The following MROH7 variants were observed in gnomAD, a reference collection of about 807,000 sequenced individuals.
MROH7 encodes the protein maestro heat-like repeat-containing protein family member 7.
MROH7 carries 113 observed loss-of-function variants against 129.2 expected under a neutral mutation model. The observed-to-expected ratio is 0.87, with a 90% CI of 0.75 to 1.02. The LOEUF is 1.02. Among genes scored for constraint, MROH7 ranks in the 50% least tolerant of loss-of-function variants. The pLI, the probability that MROH7 is intolerant of heterozygous loss-of-function variation, is 0.00. For synonymous variants in MROH7, 655 were observed against 667.9 expected (o/e 0.98, Z 0.30); for missense variants, 1,601 against 1,671.3 (o/e 0.96, Z 0.73).
intron 15 of MROH7, among the ~76,000 whole-genome samples, chr1:54,690,980 T>C (rs1249950145): frequency 6.6e-6 from 1 of 152,168 alleles, no homozygotes; most frequent in Non-Finnish European, 1.5e-5. Context: ...TGCAGGAGGC[T>C]CATTCTGTCT....
chr1:54,664,456 A>G (rs1644781034), intron 3 of MROH7, among the ~76,000 whole-genome samples: 1 of 152,198 alleles, frequency 6.6e-6, no homozygotes. Context: ...GCAAGGAGGT[A>G]TGGCGAGCAG....
chr1:54,686,348 A>G lies in MROH7; in HGVS notation c.2611A>G (p.Ile871Val), dbSNP rs1569949987. 1 of 1,614,094 alleles carries G rather than the reference A, an allele frequency of 6.2e-7. No homozygotes were observed. Among genetic ancestry groups the G allele is most frequent in the Non-Finnish European group, 8.5e-7 (1 of 1,179,992 alleles). Residue 871 changes from isoleucine to valine, a missense_variant, in exon 15 of 24, where the codon ATT (isoleucine) becomes GTT (valine). Physicochemically the swap from Ile to Val is conservative, Grantham distance 29. Coordinates refer to ENST00000421030, the MANE Select transcript of MROH7 (RefSeq NM_001039464.4). ...IYPQLLLALL[I>V]QVHYHIGLNL... ...CCCTCAGCTGCTCCTGGCCCTGCTC[A>G]TTCAGGTCCATTACCACATCGGCCT...
chr1:54,659,185 C>T (rs1328241090), intron 3 of MROH7: 10 of 368,820 alleles, frequency 2.7e-5, no homozygotes, highest in Non-Finnish European at 4.2e-5. Context: ...ACCTCTGCCT[C>T]CCAGGTTCAA....
At position 54,703,516 on chromosome 1, in the gene MROH7, G is replaced by T. The variant is rs137890218; in HGVS notation, c.3564+771G>T. Among the ~76,000 whole-genome samples the T allele has an allele frequency of 2.0e-5, 3 of 152,150 alleles. No homozygotes were observed. The highest frequency in any genetic ancestry group is 7.2e-5 in the African/African-American group (3 of 41,524). On this transcript the variant is annotated intron_variant, in intron 21 of 23. Coordinates refer to ENST00000421030, the MANE Select transcript of MROH7 (RefSeq NM_001039464.4). This position sits in a 1 kb window ranked among gnomAD's most constrained non-coding sequence, Gnocchi z 4.4. ...TACTAAAGGCTCTGAGATGTTTTGT[G>T]CTGAGGAAATGTGTTCATGGTTCTT...
chr1:54,679,330 A>G lies in MROH7; in HGVS notation c.2117A>G (p.Lys706Arg), dbSNP rs1167101290. The stretch of plus-strand genomic sequence containing the variant: ...CTGCTGGCCGCCCTGGAAGGGCTGA[A>G]AGGCAGCTCAGAGGCTCCAGGGAAG... ...DLLLAALEGL[K>R]GSSEAPGKDS... The change falls in exon 12 of 24, where the codon AAA becomes AGA. Residue 706 changes from lysine to arginine, a missense_variant. Physicochemically the swap from Lys to Arg is conservative, Grantham distance 26. Transcript: ENST00000421030. 6.2e-7 allele frequency: 1 copy of G among 1,614,044 alleles called. No homozygotes were observed. The highest frequency in any genetic ancestry group is 2.2e-5 in the East Asian group (1 of 44,890).
At chr1:54,678,982 C>A in intron 11 of MROH7, 128 bp downstream of exon 11, 1 of 763,736 alleles carries the variant, frequency 1.3e-6, no homozygotes, top group South Asian at 1.6e-5. Flanking sequence ...CCACCCACGC[C>A]TGTCCTGAGT....
intron 12 of MROH7, 50 bp downstream of exon 12, chr1:54,679,489 T>A (rs1645034857): frequency 6.4e-7 from 1 of 1,566,340 alleles, no homozygotes; most frequent in Non-Finnish European, 8.7e-7. Flanking sequence ...GCTCGGGAGC[T>A]CCCCCCATGG....
chr1:54,682,636 C>A lies in MROH7; in HGVS notation c.2382-20C>A. ...CACTGCCTTGGCCACCACTAATTGC[C>A]CACATCCCTGACCTCTCAGCAATGG... On this transcript the variant is annotated intron_variant, in intron 13 of 23. Transcript: ENST00000421030. 2 of 1,605,410 alleles carry A rather than the reference C, an allele frequency of 1.2e-6. No homozygotes were observed. Among genetic ancestry groups the A allele is most frequent in the Non-Finnish European group, 1.7e-6 (2 of 1,175,140 alleles).
At chr1:54,684,426 C>T (rs778745338) in intron 14 of MROH7, among the ~76,000 whole-genome samples, 4 of 152,236 alleles carry the variant, frequency 2.6e-5, no homozygotes, top group Admixed American at 6.5e-5. Flanking sequence ...CCTTCCCTTG[C>T]AATTTGGGCA....
chr1:54,694,847 G>A (rs1052563019), intron 16 of MROH7, among the ~76,000 whole-genome samples: 3 of 152,186 alleles, frequency 2.0e-5, no homozygotes, highest in African/African-American at 7.2e-5. Flanking sequence ...CACTGGCTTA[G>A]TAGAATGAAC....
Position 54,701,339 on chromosome 1 carries a change from G to A in MROH7, c.3285+17G>A. The A allele has an allele frequency of 6.4e-7, 1 of 1,570,628 alleles. No homozygotes were observed. Among genetic ancestry groups the A allele is most frequent in the South Asian group, 1.2e-5 (1 of 83,796 alleles). ...TTCAGCGACGTGAGGACCTCACAGA[G>A]CGAAGGAGCAGGAGGGATCGAGAAG... On this transcript the variant is annotated intron_variant, in intron 19 of 23. Coordinates refer to ENST00000421030, the MANE Select transcript of MROH7 (RefSeq NM_001039464.4).
At chr1:54,655,015 ATTTT>A (rs71045202) in intron 3 of MROH7, among the ~76,000 whole-genome samples, 1 of 136,418 alleles carries the variant, frequency 7.3e-6, no homozygotes. Context: ...TGAGAATCCT[ATTTT>A]TTTTTTTTTT....
chr1:54,659,608 C>T (rs1363232696), intron 3 of MROH7, among the ~76,000 whole-genome samples: 2 of 152,172 alleles, frequency 1.3e-5, no homozygotes, highest in Non-Finnish European at 2.9e-5. Context: ...CGCTAGCCAC[C>T]ATGCCTGGCT....
chr1:54,680,288 C>CTT (rs1233118083), intron 13 of MROH7, among the ~76,000 whole-genome samples: 3 of 152,190 alleles, frequency 2.0e-5, no homozygotes, highest in Non-Finnish European at 2.9e-5. Context: ...GAAACCAAGG[C>CTT]TTAGGGAAGT....
chr1:54,682,592 T>C (rs941078136), intron 13 of MROH7, 64 bp from the exon 14 acceptor site: 35 of 1,538,232 alleles, frequency 2.3e-5, no homozygotes, highest in Non-Finnish European at 2.9e-5. Flanking sequence ...CCAAAACCAT[T>C]TGGAGGCTGG....
intron 4 of MROH7, 29 bp downstream of exon 4, chr1:54,665,269 C>G: frequency 6.3e-7 from 1 of 1,590,300 alleles, no homozygotes; most frequent in East Asian, 2.2e-5. Flanking sequence ...CCCTAGCTGA[C>G]TGTGCTGGGA....
Position 54,701,219 on chromosome 1 carries a change from C to G in MROH7, c.3182C>G (p.Ala1061Gly), listed in dbSNP as rs201277023. 1 of 1,614,028 alleles carries G rather than the reference C, an allele frequency of 6.2e-7. No homozygotes were observed. The highest frequency in any genetic ancestry group is 8.5e-7 in the Non-Finnish European group (1 of 1,179,978). ...KNMDGMLVVE[A>G]VHNLKAVFKG... ...ATGGATGGGATGCTGGTGGTGGAAG[C>G]GGTCCACAACCTCAAGGCTGTCTTC... The change falls in exon 19 of 24, where the codon GCG becomes GGG. Residue 1061 changes from alanine to glycine, a missense_variant. Coordinates refer to ENST00000421030, the MANE Select transcript of MROH7 (RefSeq NM_001039464.4).
At position 54,650,206 on chromosome 1, in the gene MROH7, C is replaced by T. The variant is rs143541373; in HGVS notation, c.-109-1743C>T. ...CCCTGTGGAAGGCTTTATGTGTTCCCTATCTTAGAGATGGGGAGGACAAGG... is the reference window on the plus strand; with the variant it reads ...CCCTGTGGAAGGCTTTATGTGTTCCTTATCTTAGAGATGGGGAGGACAAGG... On this transcript the variant is annotated intron_variant, in intron 1 of 23. Transcript: ENST00000421030. Among the ~76,000 whole-genome samples the T allele has an allele frequency of 5.8e-4, 89 of 152,300 alleles. 1 individual carries two copies. In the South Asian group the frequency reaches 0.014, roughly 24 times the overall value.
chr1:54,682,981 C>G (rs1468024184), intron 14 of MROH7, among the ~76,000 whole-genome samples, 187 bp downstream of exon 14: 1 of 152,146 alleles, frequency 6.6e-6, no homozygotes, highest in Non-Finnish European at 1.5e-5. Context: ...GTAGTGTTGT[C>G]TATGGTGACA....
Sources: allele counts gnomAD v4.1 joint callset (sites outside exome capture counted in the v4.1 genomes callset), GRCh38; gene constraint gnomAD v4.1.1; non-coding constraint Gnocchi (gnomAD v3.1); transcripts MANE v1.5; gene names NCBI Gene and HGNC (gene_info 2026-07-23, HGNC 2026-07-21).